TRIO: variants seen among roughly 807,000 people sequenced by gnomAD.
TRIO encodes the protein triple functional domain protein.
In TRIO, 58 loss-of-function variants were observed where a neutral mutation model predicts 351.9. That is an observed-to-expected ratio of 0.16 (90% confidence interval 0.13 to 0.21). The LOEUF is 0.21. Ranked by LOEUF, TRIO falls within the 10% of genes least tolerant of loss-of-function variation. The probability of loss-of-function intolerance (pLI) is 1.00; values close to 1 mark genes in which losing one functional copy is unlikely to be tolerated. For missense variants in TRIO, 3,201 were observed against 4,027.8 expected (o/e 0.79, Z 5.56); for synonymous variants, 1,758 against 1,595.7 (o/e 1.10, Z -2.42).
chr5:14,504,598 G>A lies in TRIO; in HGVS notation c.8612+5G>A, dbSNP rs1561572202. 1.9e-6 allele frequency: 3 copies of A among 1,613,914 alleles called. No homozygotes were observed. The highest frequency in any genetic ancestry group is 2.2e-5 in the East Asian group (1 of 44,876). ...CTACATCCTGGTCTTAGAAATGTGC[G>A]TACACACCTGGCCTTCCCTCTGCCC... is the stretch of plus-strand genomic sequence containing the variant. On this transcript the variant is annotated splice_donor_5th_base_variant and intron_variant, in intron 55 of 56. Coordinates refer to ENST00000344204, the MANE Select transcript of TRIO (RefSeq NM_007118.4).
chr5:14,175,054 A>C (rs1561164582), intron 1 of TRIO, among the ~76,000 whole-genome samples: 1 of 151,830 alleles, frequency 6.6e-6, no homozygotes, highest in African/African-American at 2.4e-5. Context: ...GATCATTACT[A>C]TTTTTTTTAG....
At chr5:14,337,743 G>C (rs1741556920) in intron 11 of TRIO, among the ~76,000 whole-genome samples, 1 of 152,166 alleles carries the variant, frequency 6.6e-6, no homozygotes, top group African/African-American at 2.4e-5. Context: ...GTCCTCAGTC[G>C]GGTCATTTGT....
chr5:14,337,472 C>T (rs1741526683), intron 11 of TRIO, among the ~76,000 whole-genome samples: 1 of 152,130 alleles, frequency 6.6e-6, no homozygotes, highest in South Asian at 2.1e-4. Flanking sequence ...TCACTGAGGA[C>T]CTTCACAGAG....
At chr5:14,223,083 A>G (rs1025964593) in intron 1 of TRIO, among the ~76,000 whole-genome samples, 2 of 152,178 alleles carry the variant, frequency 1.3e-5, no homozygotes, top group African/African-American at 2.4e-5. Context: ...GAGGCAGGTA[A>G]GAGGACAGGT....
intron 1 of TRIO, among the ~76,000 whole-genome samples, chr5:14,164,591 C>T (rs1043707245): frequency 1.3e-5 from 2 of 152,098 alleles, no homozygotes; most frequent in Non-Finnish European, 2.9e-5. Flanking sequence ...CCTGAGATTG[C>T]TTCAGGCAGA....
At chr5:14,367,017 A>T (rs900356243) in intron 16 of TRIO, 38 bp downstream of exon 16, 16 of 1,611,874 alleles carry the variant, frequency 9.9e-6, no homozygotes, top group Non-Finnish European at 1.1e-5. Context: ...TGGCTCTTTC[A>T]TTCCTCAGGA....
rs1756967202 is a variant in TRIO, at chr5:14,497,306, T to G, written c.8019+289T>G. 6.6e-6 allele frequency among the ~76,000 whole-genome samples: 1 copy of G among 152,160 alleles called. No homozygotes were observed. The highest frequency in any genetic ancestry group is 6.5e-5 in the Admixed American group (1 of 15,280). ...TGCAAATGAAGCACAGAGACTAGGTTCTCAGAAGCAGCGAAGGTGCAGAGA... is the reference window on the plus strand; with the variant it reads ...TGCAAATGAAGCACAGAGACTAGGTGCTCAGAAGCAGCGAAGGTGCAGAGA... On this transcript the variant is annotated intron_variant, in intron 50 of 56. Coordinates refer to ENST00000344204, the MANE Select transcript of TRIO (RefSeq NM_007118.4). This position sits in a 1 kb window ranked among gnomAD's most constrained non-coding sequence, Gnocchi z 4.4.
chr5:14,188,108 T>G (rs1176819254), intron 1 of TRIO, among the ~76,000 whole-genome samples: 1 of 152,360 alleles, frequency 6.6e-6, no homozygotes, highest in African/African-American at 2.4e-5. Flanking sequence ...GTGTTTTATT[T>G]GTCACATCTG....
rs185883788 is a variant in TRIO at position 14,385,647 on chromosome 5, G to A, written c.3571-1791G>A. ...GTGATTGGAACTGGTGACAGTGGAA[G>A]GTGGGGTGAGAAGAGTTTTTACTTT... On this transcript the variant is annotated intron_variant, in intron 21 of 56. Transcript: ENST00000344204. 2.6e-5 allele frequency among the ~76,000 whole-genome samples: 4 copies of A among 152,308 alleles called. No individual in the cohort carries two copies. In the East Asian group the frequency reaches 7.7e-4, roughly 29 times the overall value.
chr5:14,356,929 A>T (rs990841068), intron 11 of TRIO, among the ~76,000 whole-genome samples: 5 of 152,196 alleles, frequency 3.3e-5, no homozygotes, highest in African/African-American at 1.2e-4. Flanking sequence ...AATGCAAGGT[A>T]ATCTCCAGTG....
chr5:14,327,364 ATGT>A (rs1740481599), intron 9 of TRIO, among the ~76,000 whole-genome samples: 1 of 152,158 alleles, frequency 6.6e-6, no homozygotes, highest in Non-Finnish European at 1.5e-5. Context: ...GGGTTTCACC[ATGT>A]TGACCAGGCG....
chr5:14,402,361 G>T (rs1748147115), intron 31 of TRIO, among the ~76,000 whole-genome samples: 1 of 152,204 alleles, frequency 6.6e-6, no homozygotes. Flanking sequence ...CTTCTTATTT[G>T]TCAGGCTTCG....
chr5:14,449,926 G>A (rs1182475984), intron 34 of TRIO, among the ~76,000 whole-genome samples: 5 of 152,160 alleles, frequency 3.3e-5, no homozygotes, highest in African/African-American at 7.2e-5. Context: ...TAAAAAGAAA[G>A]ACCTTTAAAA....
At chr5:14,414,138 T>G (rs1470171409) in intron 33 of TRIO, among the ~76,000 whole-genome samples, 1 of 152,204 alleles carries the variant, frequency 6.6e-6, no homozygotes, top group African/African-American at 2.4e-5. Flanking sequence ...GTGAGGCAGG[T>G]GTTTTTCAAC....
chr5:14,450,824 A>G (rs1329302030), intron 34 of TRIO, among the ~76,000 whole-genome samples: 1 of 152,200 alleles, frequency 6.6e-6, no homozygotes. Flanking sequence ...ATGTGCAGAG[A>G]AGGAGAGAAC....
intron 11 of TRIO, among the ~76,000 whole-genome samples, chr5:14,347,574 G>A (rs1437229243): frequency 6.6e-6 from 1 of 152,256 alleles, no homozygotes; most frequent in Non-Finnish European, 1.5e-5. Context: ...ACTTTGCTGT[G>A]TTAAGCGCTA....
chr5:14,316,578 T>C lies in TRIO; in HGVS notation c.1566T>C (p.Asp522=). 6.2e-7 allele frequency: 1 copy of C among 1,614,188 alleles called. No homozygotes were observed. Among genetic ancestry groups the C allele is most frequent in the Non-Finnish European group, 8.5e-7 (1 of 1,180,014 alleles). The change falls in exon 9 of 57, where the codon GAT becomes GAC. Residue 522 remains aspartate, a synonymous_variant. Coordinates refer to ENST00000344204, the MANE Select transcript of TRIO (RefSeq NM_007118.4). ...GGCCCTTGACTCCCGGCAGCTCCGA[T>C]TCCCTGACAGCCTCTGCCAACTACT... ...LQRPLTPGSS[D]SLTASANYSK... is the part of the protein sequence containing the mutation.
At chr5:14,369,562 C>A in intron 18 of TRIO, 39 bp downstream of exon 18, 1 of 1,568,922 alleles carries the variant, frequency 6.4e-7, no homozygotes, top group Non-Finnish European at 8.7e-7. Flanking sequence ...CCATCAGAGG[C>A]TTCCTGCCTG....
intron 48 of TRIO, chr5:14,490,668 T>G (rs1480128065): frequency 7.5e-5 from 29 of 386,688 alleles, no homozygotes; most frequent in South Asian, 3.9e-4. Context: ...CGCCCACTGG[T>G]GGGTTGGTGG....
Sources: allele counts gnomAD v4.1 joint callset (sites outside exome capture counted in the v4.1 genomes callset), GRCh38; gene constraint gnomAD v4.1.1; non-coding constraint Gnocchi (gnomAD v3.1); transcripts MANE v1.5; gene names NCBI Gene and HGNC (gene_info 2026-07-23, HGNC 2026-07-21).